BDP1: variants seen among roughly 807,000 people sequenced by gnomAD.
BDP1 encodes the protein BDP1 general transcription factor IIIB subunit.
BDP1 carries 169 observed loss-of-function variants against 266.6 expected under a neutral mutation model. The ratio of observed to expected loss-of-function variants is 0.63; its 90% CI spans 0.56 to 0.72. The LOEUF (loss-of-function observed/expected upper bound fraction) is 0.72. Ranked by LOEUF, BDP1 falls within the 30% of genes least tolerant of loss-of-function variation. BDP1 has a pLI of 0.00. For synonymous variants in BDP1, 1,090 were observed against 1,022.4 expected (o/e 1.07, Z -1.26); for missense variants, 3,015 against 3,053.8 (o/e 0.99, Z 0.30).
At chr5:71,499,238 T>C (rs775924195) in intron 13 of BDP1, among the ~76,000 whole-genome samples, 1 of 152,180 alleles carries the variant, frequency 6.6e-6, no homozygotes, top group Non-Finnish European at 1.5e-5. Context: ...TAGCTGAGAT[T>C]ACAGGCGCGC....
intron 16 of BDP1, 28 bp downstream of exon 16, chr5:71,504,779 CT>C: frequency 6.2e-7 from 1 of 1,600,998 alleles, no homozygotes; most frequent in African/African-American, 1.3e-5. Context: ...GATATATAAT[CT>C]TTGGATTTTG....
intron 21 of BDP1, among the ~76,000 whole-genome samples, chr5:71,516,912 CTTTG>C (rs1381022858): frequency 4.6e-5 from 7 of 151,792 alleles, no homozygotes; most frequent in East Asian, 1.9e-4. Flanking sequence ...AAAAATTAAA[CTTTG>C]TTTATTTTTA....
In BDP1 at chr5:71,461,884, TGA is replaced by T. The variant is rs767247416; in HGVS notation, c.562_563del (p.Asp188LeufsTer8). On this transcript the variant is annotated frameshift_variant, in exon 3 of 39. Transcript: ENST00000358731. LOFTEE classifies it high-confidence loss of function. ...CCACCAGATCGTTCAAAAATGACTATGAGAGACTTCATATATTATCTACCAGA... is the reference window on the plus strand; with the variant it reads ...CCACCAGATCGTTCAAAAATGACTATGAGACTTCATATATTATCTACCAGA... 1.9e-6 allele frequency: 3 copies of T among 1,602,406 alleles called. No homozygotes were observed. In the African/African-American group the frequency reaches 4.0e-5, roughly 22 times the overall value.
intron 7 of BDP1, among the ~76,000 whole-genome samples, chr5:71,474,783 G>C (rs1762486135): frequency 6.6e-6 from 1 of 151,522 alleles, no homozygotes; most frequent in South Asian, 2.1e-4. Flanking sequence ...GGAGGGAGAG[G>C]TTGCAGTGAA....
rs778192499 is a variant in BDP1 at position 71,510,665 on chromosome 5, T to C, written c.3573T>C (p.Asp1191=). Residue 1191 remains aspartate (D), a synonymous_variant, in exon 17 of 39, where the codon GAT becomes GAC. Transcript: ENST00000358731. ...GGGAGAAGACACGAGAGGTGATTGA[T>C]GCTGCTGAGGTAATAGAGACAGATT... ...SSREKTREVI[D]AAEVIETDLE... is the part of the protein sequence containing the mutation. 6.3e-7 allele frequency: 1 copy of C among 1,585,522 alleles called. No individual in the cohort carries two copies. Among genetic ancestry groups the C allele is most frequent in the South Asian group, 1.1e-5 (1 of 89,130 alleles).
At chr5:71,569,830 C>T (rs978588413), downstream of BDP1, among the ~76,000 whole-genome samples, 4 of 152,112 alleles carry the variant, frequency 2.6e-5, no homozygotes, top group East Asian at 1.9e-4. Context: ...GCAGGTGATC[C>T]TAAGGTGTAA....
intron 6 of BDP1, among the ~76,000 whole-genome samples, chr5:71,468,047 T>A (rs1330889702): frequency 6.6e-6 from 1 of 152,068 alleles, no homozygotes; most frequent in Non-Finnish European, 1.5e-5. Context: ...AGACGGAGTT[T>A]CCCTCTTGTT....
At position 71,464,046 on chromosome 5, in the gene BDP1, T is replaced by C; in HGVS notation, c.600-12T>C. 6.8e-7 allele frequency: 1 copy of C among 1,477,012 alleles called. No homozygotes were observed. Among genetic ancestry groups the C allele is most frequent in the Non-Finnish European group, 9.2e-7 (1 of 1,082,188 alleles). The allele number at this position is 1,477,012 out of a possible 1,614,324, so 91.5% of individuals were successfully genotyped here. On this transcript the variant is annotated splice_polypyrimidine_tract_variant and intron_variant, in intron 3 of 38. Transcript: ENST00000358731. ...ATAATTTATTAAAGATATTGTTATT[T>C]ATGTTCAATAGTTCTTCACTGGAAC...
chr5:71,561,310 A>C (rs1266607224), intron 37 of BDP1, among the ~76,000 whole-genome samples: 3 of 151,650 alleles, frequency 2.0e-5, no homozygotes, highest in Non-Finnish European at 4.4e-5. Flanking sequence ...CTGAGGCAGG[A>C]GAATCGCTTG....
chr5:71,501,468 CCGGCCAGTT>C (rs1764225591), intron 13 of BDP1, 85 bp from the exon 14 acceptor site: 1 of 821,642 alleles, frequency 1.2e-6, no homozygotes, highest in Non-Finnish European at 2.0e-6. Context: ...GCCACCGTGC[CCGGCCAGTT>C]CTGTTGTTTT....
In BDP1 at chr5:71,501,813, ACTCT is replaced by A. The variant is rs201197188; in HGVS notation, c.2048+165_2048+168del. Among the ~76,000 whole-genome samples, 70 of 152,090 alleles carry A rather than the reference ACTCT, an allele frequency of 4.6e-4. No homozygotes were observed. In the East Asian group the frequency reaches 0.013, roughly 29 times the overall value. ...TAGGTGGTTTTGAAACATTCATAAT[ACTCT>A]CTCTGCTTGATATTGCTTATATAAA... On this transcript the variant is annotated intron_variant, in intron 14 of 38. Transcript: ENST00000358731.
Position 71,562,310 on chromosome 5 carries a change from A to G in BDP1, c.7533A>G (p.Ile2511Met). The G allele has an allele frequency of 6.2e-7, 1 of 1,608,458 alleles. No individual in the cohort carries two copies. Among genetic ancestry groups the G allele is most frequent in the Non-Finnish European group, 8.5e-7 (1 of 1,177,550 alleles). ...GACCCCTGGGATTTTTATCTTTAAT[A>G]TGCTCAAAGAATAGTTTGGAGTCTG... is the stretch of plus-strand genomic sequence containing the variant. ...GRRPLGFLSLICSKNSLESDE... is the reference protein window; with the variant it reads ...GRRPLGFLSLMCSKNSLESDE... Residue 2511 changes from isoleucine to methionine, a missense_variant, in exon 38 of 39, where the codon ATA becomes ATG. Around this residue, in one of 3 missense-constraint regions of BDP1, gnomAD observed 629 missense variants for 632.5 expected, o/e 0.99. Coordinates refer to ENST00000358731, the MANE Select transcript of BDP1 (RefSeq NM_018429.3).
At position 71,458,393 on chromosome 5, in the gene BDP1, A is replaced by G. The variant is rs540997443; in HGVS notation, c.213-186A>G. 5.3e-5 allele frequency among the ~76,000 whole-genome samples: 8 copies of G among 152,140 alleles called. No homozygotes were observed. In the South Asian group the frequency reaches 1.7e-3, roughly 32 times the overall value. On this transcript the variant is annotated intron_variant, in intron 1 of 38. Coordinates refer to ENST00000358731, the MANE Select transcript of BDP1 (RefSeq NM_018429.3). ...ATTAAGAGTCTATTAGAATTTACGT[A>G]TATTTAAAAGATTTACTAAACAAAT...
At position 71,512,307 on chromosome 5, in the gene BDP1, G is replaced by T; in HGVS notation, c.4126G>T (p.Glu1376Ter). 1.3e-6 allele frequency: 2 copies of T among 1,597,122 alleles called. No individual in the cohort carries two copies. Among genetic ancestry groups the T allele is most frequent in the Non-Finnish European group, 8.5e-7 (1 of 1,175,358 alleles). ...AGAAGAAAAAAGAAATTCTGAAAAA[G>T]AAGTATCAAGTCACTTCAGTCATTT... Reference protein sequence around the residue: ...PVEEKRNSEKEVSSHFSHFKI... With the variant: ...PVEEKRNSEK The change falls in exon 18 of 39, where the codon GAA becomes TAA. Residue 1376 changes from glutamate (E) to a stop codon, truncating the protein, a stop_gained. Coordinates refer to ENST00000358731, the MANE Select transcript of BDP1 (RefSeq NM_018429.3). LOFTEE classifies it high-confidence loss of function.
Position 71,463,114 on chromosome 5 carries a change from T to TA in BDP1, c.600-934dup, listed in dbSNP as rs977846624. On this transcript the variant is annotated intron_variant, in intron 3 of 38. Coordinates refer to ENST00000358731, the MANE Select transcript of BDP1 (RefSeq NM_018429.3). ...GGAGACAGCGAGACTCTGTCTCATT[T>TA]AAAAAAAAAATGTTTGAAAGGATTG... 5.4e-3 allele frequency among the ~76,000 whole-genome samples: 810 copies of TA among 150,176 alleles called. 11 individuals carry two copies. The highest frequency in any genetic ancestry group is 0.019 in the African/African-American group (770 of 41,042).
chr5:71,517,074 A>G (rs993997791), intron 21 of BDP1, among the ~76,000 whole-genome samples: 4 of 152,230 alleles, frequency 2.6e-5, no homozygotes, highest in Non-Finnish European at 4.4e-5. Flanking sequence ...CTAATTTTAA[A>G]GAATTAACCA....
Position 71,477,580 on chromosome 5 carries a change from A to T in BDP1, c.1015-6262A>T, listed in dbSNP as rs570556844. 1.7e-3 allele frequency among the ~76,000 whole-genome samples: 261 copies of T among 151,632 alleles called. 1 individual carries two copies. Among genetic ancestry groups the T allele is most frequent in the African/African-American group, 5.4e-3 (222 of 41,374 alleles). The stretch of plus-strand genomic sequence containing the variant: ...ACAGATTTCTTTTTTAATATTAAAA[A>T]TTTTTTTTAAACACCAGCTGACCCA... On this transcript the variant is annotated intron_variant, in intron 7 of 38. Coordinates refer to ENST00000358731, the MANE Select transcript of BDP1 (RefSeq NM_018429.3).
rs1763465455 is a variant in BDP1, at chr5:71,489,617, G to A, written c.1427G>A (p.Gly476Glu). Residue 476 changes from glycine (G) to glutamate (E), a missense_variant, in exon 10 of 39, where the codon GGA becomes GAA. Coordinates refer to ENST00000358731, the MANE Select transcript of BDP1 (RefSeq NM_018429.3). Reference protein sequence around the residue: ...RKKQDGANELGVNNLLENATV... With the variant: ...RKKQDGANELEVNNLLENATV... ...AAGCAAGATGGAGCTAATGAACTGGGAGTAAACAATCTTTTAGAAAATGCC... is the reference window on the plus strand; with the variant it reads ...AAGCAAGATGGAGCTAATGAACTGGAAGTAAACAATCTTTTAGAAAATGCC... 1 of 1,614,070 alleles carries A rather than the reference G, an allele frequency of 6.2e-7. No individual in the cohort carries two copies. The highest frequency in any genetic ancestry group is 2.2e-5 in the East Asian group (1 of 44,858).
chr5:71,548,883 C>T (rs534183582), intron 33 of BDP1, 138 bp downstream of exon 33: 16 of 672,942 alleles, frequency 2.4e-5, no homozygotes, highest in African/African-American at 1.6e-4. Context: ...ATAGAAACAC[C>T]TTGAAGTATT....
Sources: allele counts gnomAD v4.1 joint callset (sites outside exome capture counted in the v4.1 genomes callset), GRCh38; gene constraint gnomAD v4.1.1; regional missense constraint gnomAD v4.1.1; transcripts MANE v1.5; gene names NCBI Gene and HGNC (gene_info 2026-07-23, HGNC 2026-07-21).